Variants in INPP5D observed in about 807,000 individuals in gnomAD.
INPP5D encodes phosphatidylinositol 3,4,5-trisphosphate 5-phosphatase 1.
INPP5D carries 33 observed loss-of-function variants against 122.9 expected under a neutral mutation model. That is an observed-to-expected ratio of 0.27 (90% CI 0.20 to 0.36). INPP5D has a LOEUF of 0.36. INPP5D is among the 10% of genes least tolerant of loss of function. The probability of loss-of-function intolerance (pLI) is 1.00; values close to 1 mark genes in which losing one functional copy is unlikely to be tolerated. For missense variants in INPP5D, 1,053 were observed against 1,412.7 expected (o/e 0.75, Z 4.08); for synonymous variants, 584 against 576.2 (o/e 1.01, Z -0.19).
chr2:233,140,595 A>T (rs1693612721), intron 6 of INPP5D: 1 of 152,230 alleles, frequency 6.6e-6, no homozygotes, highest in Non-Finnish European at 1.5e-5. Flanking sequence ...GCATCCTCAA[A>T]CATCGGGGCT....
chr2:233,165,872 CCGTGTGTGCA>C (rs767587359), intron 13 of INPP5D, among the ~76,000 whole-genome samples: 8 of 150,504 alleles, frequency 5.3e-5, no homozygotes, highest in Non-Finnish European at 1.0e-4. Context: ...GTGTGTGTGC[CCGTGTGTGCA>C]CGTGGGGTGG....
chr2:233,204,833 C>A, intron 26 of INPP5D, 116 bp downstream of exon 26: 3 of 1,280,158 alleles, frequency 2.3e-6, no homozygotes, highest in East Asian at 6.0e-5. Flanking sequence ...TGCATATGTG[C>A]GTGCATGTGT....
Position 233,183,333 on chromosome 2 carries a change from TG to T in INPP5D, c.2161+839del, listed in dbSNP as rs1176874370. ...ATCTTGCTCTGTGTCCTTCATGCCC[TG>T]GGGGACACACGTGAGGCCGAAGCAC... On this transcript the variant is annotated intron_variant, in intron 19 of 26. Coordinates refer to ENST00000445964, the MANE Select transcript of INPP5D (RefSeq NM_001017915.3). This position sits in a 1 kb window ranked among gnomAD's most constrained non-coding sequence, Gnocchi z 4.6. Among the ~76,000 whole-genome samples, 5 of 152,190 alleles carry T rather than the reference TG, an allele frequency of 3.3e-5. No homozygotes were observed. The highest frequency in any genetic ancestry group is 1.2e-4 in the African/African-American group (5 of 41,446).
intron 17 of INPP5D, among the ~76,000 whole-genome samples, chr2:233,175,014 G>A (rs1031580702): frequency 6.6e-6 from 1 of 151,780 alleles, no homozygotes; most frequent in Non-Finnish European, 1.5e-5. Context: ...ATCACCTGAA[G>A]TCAGGAGTTC....
rs1418023357 is a variant in INPP5D at position 233,166,819 on chromosome 2, AC to A, written c.1555+2396del. Among the ~76,000 whole-genome samples the A allele has an allele frequency of 3.3e-5, 5 of 151,816 alleles. No homozygotes were observed. In the East Asian group the frequency reaches 7.8e-4, roughly 24 times the overall value. The stretch of plus-strand genomic sequence containing the variant: ...GGCCAACATGGTGAAATCCCATCCC[AC>A]TAAAAATACAAAAATTAGTTGGATG... On this transcript the variant is annotated intron_variant, in intron 13 of 26. Coordinates refer to ENST00000445964, the MANE Select transcript of INPP5D (RefSeq NM_001017915.3).
intron 24 of INPP5D, 78 bp downstream of exon 24, chr2:233,195,573 G>T (rs937760866): frequency 4.4e-6 from 7 of 1,596,526 alleles, no homozygotes; most frequent in Middle Eastern, 1.7e-4. Context: ...TTGGCCGGGT[G>T]CGATGGTTCA....
chr2:233,065,568 TTTCTTTCTTTCC>T lies in INPP5D; in HGVS notation c.134+4968_134+4979del, dbSNP rs1487472628. Among the ~76,000 whole-genome samples the T allele has an allele frequency of 1.3e-3, 37 of 29,230 alleles. 10 individuals are homozygous for T. Among genetic ancestry groups the T allele is most frequent in the Non-Finnish European group, 2.8e-3 (37 of 13,182 alleles). The allele number at this position is 29,230 out of a possible 152,430, so 19.2% of individuals were successfully genotyped here. A position where few individuals can be genotyped will look rare whatever the true frequency, so the allele number is the denominator to read the frequency against. ...TGAACCACTGCACCCAGCCTTTTTC[TTTCTTTCTTTCC>T]TTCTTTCTTTCTTTCTTTCTTTCTT... is the stretch of plus-strand genomic sequence containing the variant. On this transcript the variant is annotated intron_variant, in intron 1 of 26. Coordinates refer to ENST00000445964, the MANE Select transcript of INPP5D (RefSeq NM_001017915.3).
intron 2 of INPP5D, among the ~76,000 whole-genome samples, chr2:233,107,822 G>C (rs1247408052): frequency 6.6e-6 from 1 of 152,184 alleles, no homozygotes; most frequent in South Asian, 2.1e-4. Flanking sequence ...TTGGAGACAG[G>C]GTGGGTGCTT....
chr2:233,169,303 A>G lies in INPP5D; in HGVS notation c.1556-2A>G. On this transcript the variant is annotated splice_acceptor_variant, in intron 13 of 26. Transcript: ENST00000445964. LOFTEE classifies it high-confidence loss of function. ...GATTCTTCTTTCTGCTCTTCTTTTT[A>G]GGGAACAAGGGAGCCGTGGGGGTGT... 1.3e-6 allele frequency: 2 copies of G among 1,598,426 alleles called. No individual in the cohort carries two copies. The highest frequency in any genetic ancestry group is 8.5e-7 in the Non-Finnish European group (1 of 1,172,134).
At chr2:233,129,470 G>A (rs1455442516) in intron 4 of INPP5D, among the ~76,000 whole-genome samples, 2 of 152,208 alleles carry the variant, frequency 1.3e-5, no homozygotes, top group African/African-American at 2.4e-5. Flanking sequence ...CAGCTGATCC[G>A]ACTTTAGGGG....
At chr2:233,066,930 A>C (rs574213635) in intron 1 of INPP5D, among the ~76,000 whole-genome samples, 116 of 152,234 alleles carry the variant, frequency 7.6e-4, no homozygotes, top group African/African-American at 2.6e-3. Flanking sequence ...GGTGCCTCCC[A>C]TCACACCCAG....
At chr2:233,111,253 C>T (rs1239468176) in intron 2 of INPP5D, among the ~76,000 whole-genome samples, 2 of 152,150 alleles carry the variant, frequency 1.3e-5, no homozygotes, top group Non-Finnish European at 2.9e-5. Flanking sequence ...ACACCACCAT[C>T]TAATTCTTAG....
Position 233,164,478 on chromosome 2 carries a change from C to A in INPP5D, c.1555+54C>A. On this transcript the variant is annotated intron_variant, in intron 13 of 26. Transcript: ENST00000445964. The surrounding 1 kb of genome is among the most constrained non-coding windows in gnomAD (Gnocchi z 4.3). ...CCCACACCCTCTGCCTCAACTCTCG[C>A]GACCACATCATCCTGATCCCACCAG... 2 of 1,493,262 alleles carry A rather than the reference C, an allele frequency of 1.3e-6. No homozygotes were observed. Among genetic ancestry groups the A allele is most frequent in the Non-Finnish European group, 9.0e-7 (1 of 1,112,244 alleles). The allele number at this position is 1,493,262 out of a possible 1,614,324, so 92.5% of individuals were successfully genotyped here.
chr2:233,131,204 A>G (rs1463392443), intron 5 of INPP5D: 1 of 795,446 alleles, frequency 1.3e-6, no homozygotes, highest in South Asian at 5.8e-5. Flanking sequence ...TTGGTTTTAC[A>G]TTTTAAAATT....
In INPP5D at chr2:233,153,197, G is replaced by A. The variant is rs575305142; in HGVS notation, c.1031-5116G>A. Among the ~76,000 whole-genome samples, 3 of 152,312 alleles carry A rather than the reference G, an allele frequency of 2.0e-5. No homozygotes were observed. In the South Asian group the frequency reaches 6.2e-4, roughly 32 times the overall value. ...GATCAAACAAGATATCACATCCTGG[G>A]GGCAACCGCACAGTCCTGCGAACAG... is the stretch of plus-strand genomic sequence containing the variant. On this transcript the variant is annotated intron_variant, in intron 9 of 26. Coordinates refer to ENST00000445964, the MANE Select transcript of INPP5D (RefSeq NM_001017915.3).
At chr2:233,099,385 C>T (rs1692240278) in intron 2 of INPP5D, among the ~76,000 whole-genome samples, 1 of 152,226 alleles carries the variant, frequency 6.6e-6, no homozygotes, top group East Asian at 1.9e-4. Flanking sequence ...TGGATGGCAG[C>T]CCCACATTGG....
chr2:233,163,124 CA>C (rs773788068), intron 11 of INPP5D, among the ~76,000 whole-genome samples: 1 of 152,228 alleles, frequency 6.6e-6, no homozygotes, highest in Non-Finnish European at 1.5e-5. Context: ...CTTTGAGGAA[CA>C]AAGTTTGCTC....
intron 2 of INPP5D, among the ~76,000 whole-genome samples, chr2:233,114,855 G>A (rs2106247471): frequency 6.7e-6 from 1 of 150,108 alleles, no homozygotes; most frequent in South Asian, 2.1e-4. Context: ...AGGGTATTTG[G>A]TTTGGTTTGT....
chr2:233,171,071 A>G lies in INPP5D; in HGVS notation c.1908A>G (p.Glu636=). ...EQKVFLHFEE[E]EITFAPTYRF... ...AAAGTCTCTCTGTTTCAGAGGAGGA[A>G]GAAATCACGTTTGCCCCAACCTACC... Residue 636 remains glutamate, a synonymous_variant, in exon 17 of 27, where the codon GAA becomes GAG. Transcript: ENST00000445964. 1.2e-6 allele frequency: 2 copies of G among 1,613,840 alleles called. No individual in the cohort carries two copies. The highest frequency in any genetic ancestry group is 1.7e-6 in the Non-Finnish European group (2 of 1,179,856).
Sources: gnomAD v4.1 joint callset for allele counts (sites outside exome capture counted in the v4.1 genomes callset) on GRCh38, gnomAD v4.1.1 for gene constraint, Gnocchi (gnomAD v3.1) non-coding constraint, MANE v1.5 for transcripts, NCBI Gene and HGNC (gene_info 2026-07-23, HGNC 2026-07-21) for gene names.